Variants in CENPP observed in about 807,000 individuals in gnomAD.
The protein encoded by CENPP is centromere protein P.
A neutral mutation model predicts 35.6 loss-of-function variants in CENPP; 24 were observed. The ratio of observed to expected loss-of-function variants is 0.67; its 90% confidence interval spans 0.49 to 0.95. CENPP has a LOEUF of 0.95. CENPP is among the 40% of genes least tolerant of loss of function. CENPP has a pLI of 0.00. For missense variants in CENPP, 332 were observed against 345.3 expected (o/e 0.96, Z 0.31); for synonymous variants, 120 against 125.5 (o/e 0.96, Z 0.29).
intron 5 of CENPP, among the ~76,000 whole-genome samples, chr9:92,461,135 C>G (rs550900781): frequency 1.1e-4 from 17 of 152,158 alleles, no homozygotes; most frequent in African/African-American, 3.9e-4. Context: ...ATCTGTTTAT[C>G]TATTTTTATT....
intron 4 of CENPP, among the ~76,000 whole-genome samples, chr9:92,352,510 CAT>C (rs67070835): frequency 0.059 from 2,993 of 50,340 alleles, 248 homozygotes; most frequent in South Asian, 0.12. Context: ...TGTGTGTATA[CAT>C]ATATATATAT....
rs573164091 is a variant in CENPP, at chr9:92,460,085, G to C, written c.564+80226G>C. 7.6e-5 allele frequency among the ~76,000 whole-genome samples: 11 copies of C among 144,638 alleles called. No homozygotes were observed. The South Asian group carries it at 2.4e-3, about 32-fold the overall frequency. 94.9% of individuals were successfully genotyped at this position (144,638 alleles called of 152,430 possible). ...TTTTTTTTTTTTTTTTTTTAAGATG[G>C]AGTCTCGCTCTGTTGCCCATGCCCA... On this transcript the variant is annotated intron_variant, in intron 5 of 7. Transcript: ENST00000375587.
At chr9:92,523,640 G>A (rs981285565) in intron 5 of CENPP, among the ~76,000 whole-genome samples, 33 of 152,208 alleles carry the variant, frequency 2.2e-4, no homozygotes, top group African/African-American at 7.2e-5. Context: ...TGTCATAGGC[G>A]TAATCTATAG....
At chr9:92,422,604 C>A (rs1259061747) in intron 5 of CENPP, among the ~76,000 whole-genome samples, 1 of 152,180 alleles carries the variant, frequency 6.6e-6, no homozygotes, top group African/African-American at 2.4e-5. Context: ...CTCTTCTAAA[C>A]CTGAACTTAT....
intron 5 of CENPP, among the ~76,000 whole-genome samples, chr9:92,442,260 T>A (rs1459863486): frequency 6.6e-6 from 1 of 151,250 alleles, no homozygotes; most frequent in Non-Finnish European, 1.5e-5. Context: ...TAGCCGAGCG[T>A]GGTGGCGCAT....
intron 5 of CENPP, among the ~76,000 whole-genome samples, chr9:92,546,733 A>G (rs767111951): frequency 7.2e-5 from 11 of 152,246 alleles, no homozygotes; most frequent in Non-Finnish European, 1.5e-4. Context: ...AGTTCTGCAC[A>G]CAATACTATG....
intron 5 of CENPP, chr9:92,416,982 G>A (rs759554443): frequency 2.3e-5 from 37 of 1,613,804 alleles, no homozygotes; most frequent in Non-Finnish European, 2.9e-5. Context: ...TTATAACAGA[G>A]ATCAAGCATG....
At chr9:92,584,839 T>A (rs906147280) in intron 5 of CENPP, among the ~76,000 whole-genome samples, 1 of 152,262 alleles carries the variant, frequency 6.6e-6, no homozygotes, top group African/African-American at 2.4e-5. Flanking sequence ...CATTAATTCC[T>A]TTTACATTTT....
At position 92,614,501 on chromosome 9, in the gene CENPP, TGA is replaced by T. The variant is rs945022811; in HGVS notation, c.*1356_*1357del. 3 of 152,644 alleles carry T rather than the reference TGA, an allele frequency of 2.0e-5. No homozygotes were observed. Among genetic ancestry groups the T allele is most frequent in the African/African-American group, 7.2e-5 (3 of 41,454 alleles). The allele number at this position is 152,644 out of a possible 1,614,324, so 9.5% of individuals were successfully genotyped here. ...TTAGATAAGTATCTTTTTGCACCTC[TGA>T]GAGTAGAATTAGAAGTAAATATGAC... is the stretch of plus-strand genomic sequence containing the variant. On this transcript the variant is annotated 3_prime_UTR_variant, in exon 8 of 8. Coordinates refer to ENST00000375587, the MANE Select transcript of CENPP (RefSeq NM_001012267.3).
chr9:92,423,212 G>A (rs558496149), intron 5 of CENPP, among the ~76,000 whole-genome samples: 21 of 152,006 alleles, frequency 1.4e-4, no homozygotes, highest in Non-Finnish European at 1.9e-4. Flanking sequence ...CTAGTACATC[G>A]TGTAGCAGGA....
intron 5 of CENPP, among the ~76,000 whole-genome samples, chr9:92,438,493 T>C (rs933974371): frequency 1.3e-5 from 2 of 152,262 alleles, no homozygotes; most frequent in African/African-American, 4.8e-5. Flanking sequence ...AGTTCTGCCA[T>C]TGGAGAGTAT....
chr9:92,483,899 A>T (rs1845992834), intron 5 of CENPP, among the ~76,000 whole-genome samples: 1 of 152,146 alleles, frequency 6.6e-6, no homozygotes, highest in Non-Finnish European at 1.5e-5. Flanking sequence ...GCCCCATCCT[A>T]GCCCTGCAGC....
chr9:92,425,547 A>G (rs1416820192), intron 5 of CENPP, among the ~76,000 whole-genome samples: 2 of 152,212 alleles, frequency 1.3e-5, no homozygotes, highest in East Asian at 1.9e-4. Flanking sequence ...TTGGGGGGGA[A>G]TTCTTTTAAG....
In CENPP at chr9:92,343,785, A is replaced by C. The variant is rs564497676; in HGVS notation, c.379-1914A>C. 2.6e-5 allele frequency among the ~76,000 whole-genome samples: 4 copies of C among 152,128 alleles called. No individual in the cohort carries two copies. The East Asian group carries it at 7.7e-4, about 29-fold the overall frequency. ...ACATAGCGAGACCCTGTCTCTAAAA[A>C]ATATATATTTTTTTAAATAAAAAAG... On this transcript the variant is annotated intron_variant, in intron 3 of 7. Transcript: ENST00000375587.
At chr9:92,521,376 T>C (rs1352930725) in intron 5 of CENPP, among the ~76,000 whole-genome samples, 2 of 152,194 alleles carry the variant, frequency 1.3e-5, no homozygotes, top group Non-Finnish European at 2.9e-5. Context: ...TACATTATTA[T>C]TACAATGTTT....
chr9:92,345,719 T>A lies in CENPP; in HGVS notation c.399T>A (p.Ser133=). Residue 133 remains serine, a synonymous_variant, in exon 4 of 8, where the codon TCT becomes TCA. Coordinates refer to ENST00000375587, the MANE Select transcript of CENPP (RefSeq NM_001012267.3). ...LEIQNKERLS[S]AVTDLNIIME... is the part of the protein sequence containing the mutation. ...TTTAGAATAAGGAGAGATTATCTTC[T>A]GCTGTTACTGACCTCAACATAATAA... is the stretch of plus-strand genomic sequence containing the variant. The A allele has an allele frequency of 6.3e-7, 1 of 1,589,466 alleles. No individual in the cohort carries two copies.
At chr9:92,591,878 A>C (rs1459107805) in intron 5 of CENPP, among the ~76,000 whole-genome samples, 2 of 152,140 alleles carry the variant, frequency 1.3e-5, no homozygotes, top group Non-Finnish European at 2.9e-5. Flanking sequence ...TTCGTTATTT[A>C]TTATCTGTCT....
intron 4 of CENPP, among the ~76,000 whole-genome samples, chr9:92,361,775 C>T (rs1841759761): frequency 6.6e-6 from 1 of 152,188 alleles, no homozygotes; most frequent in Non-Finnish European, 1.5e-5. Flanking sequence ...AGCCACTGCA[C>T]CCGGCTCAAA....
chr9:92,472,089 C>T (rs573828761), intron 5 of CENPP, among the ~76,000 whole-genome samples: 7 of 152,304 alleles, frequency 4.6e-5, no homozygotes, highest in East Asian at 1.9e-4. Context: ...TGGTGCCTTA[C>T]GCCTGTAATC....
Sources: allele counts gnomAD v4.1 joint callset (sites outside exome capture counted in the v4.1 genomes callset), GRCh38; gene constraint gnomAD v4.1.1; transcripts MANE v1.5; gene names NCBI Gene and HGNC (gene_info 2026-07-23, HGNC 2026-07-21).